The following EEF2K variants were observed in gnomAD, a reference collection of about 807,000 sequenced individuals.
EEF2K encodes the protein eukaryotic elongation factor 2 kinase.
Under a neutral mutation model 93.8 loss-of-function variants are expected in EEF2K, and 70 were observed. The ratio of observed to expected loss-of-function variants is 0.75; its 90% confidence interval spans 0.62 to 0.91. The LOEUF (loss-of-function observed/expected upper bound fraction) is 0.91, where lower values mean the gene tolerates loss of function less well. Ranked by LOEUF, EEF2K falls within the 40% of genes least tolerant of loss-of-function variation. EEF2K has a pLI of 0.00. For missense variants in EEF2K, 935 were observed against 972.9 expected (o/e 0.96, Z 0.52); for synonymous variants, 376 against 380.8 (o/e 0.99, Z 0.15).
At chr16:22,246,372 G>A (rs946527682) in intron 3 of EEF2K, among the ~76,000 whole-genome samples, 2 of 151,652 alleles carry the variant, frequency 1.3e-5, no homozygotes, top group Admixed American at 6.6e-5. Context: ...AAATTTAGCC[G>A]GGTGTGGTGG....
At chr16:22,227,682 T>G (rs1026556144) in intron 2 of EEF2K, among the ~76,000 whole-genome samples, 3 of 152,200 alleles carry the variant, frequency 2.0e-5, no homozygotes, top group Non-Finnish European at 2.9e-5. Context: ...GTTTACAGAC[T>G]TAACAATCTC....
At chr16:22,280,419 G>C in intron 17 of EEF2K, 43 bp downstream of exon 17, 1 of 1,401,578 alleles carries the variant, frequency 7.1e-7, no homozygotes, top group Admixed American at 2.8e-5. Flanking sequence ...ACAGGGCTGG[G>C]CAGGGAGGAA....
intron 9 of EEF2K, 24 bp downstream of exon 9, chr16:22,257,794 TTGGCCTGGCAGGCCCTTC>T: frequency 6.2e-7 from 1 of 1,610,822 alleles, no homozygotes; most frequent in South Asian, 1.1e-5. Flanking sequence ...GTGACCCTGC[TTGGCCTGGCAGGCCCTTC>T]TGCTACTTGC....
chr16:22,235,088 C>T (rs1287176854), intron 2 of EEF2K, among the ~76,000 whole-genome samples: 1 of 151,578 alleles, frequency 6.6e-6, no homozygotes, highest in African/African-American at 2.4e-5. Flanking sequence ...GGGGCGCACA[C>T]CTGTAGTCCC....
chr16:22,287,430 G>GT lies in EEF2K; in HGVS notation c.*3435dup, dbSNP rs1424808994. ...GACCATCTTCAAGTGCAAGAAGCAG[G>GT]TGAAAGCCCAGGAAATTGGCAGAGC... On this transcript the variant is annotated 3_prime_UTR_variant, in exon 18 of 18. Coordinates refer to ENST00000263026, the MANE Select transcript of EEF2K (RefSeq NM_013302.5). The GT allele has an allele frequency of 6.6e-6, 1 of 152,224 alleles. No individual in the cohort carries two copies. The highest frequency in any genetic ancestry group is 1.5e-5 in the Non-Finnish European group (1 of 68,046). The allele number at this position is 152,224 out of a possible 1,614,324, so 9.4% of individuals were successfully genotyped here. A position where few individuals can be genotyped will look rare whatever the true frequency, so the allele number is the denominator to read the frequency against.
rs201907947 is a variant in EEF2K at position 22,263,102 on chromosome 16, C to G, written c.1300-8C>G. On this transcript the variant is annotated splice_region_variant and splice_polypyrimidine_tract_variant and intron_variant, in intron 11 of 17. Coordinates refer to ENST00000263026, the MANE Select transcript of EEF2K (RefSeq NM_013302.5). ...CACCAGGACCCTAAGGCCGTCTTCTCTCCACAGGAGTCTGAGAATAGTGGG... is the reference window on the plus strand; with the variant it reads ...CACCAGGACCCTAAGGCCGTCTTCTGTCCACAGGAGTCTGAGAATAGTGGG... The G allele has an allele frequency of 5.0e-6, 8 of 1,610,260 alleles. No individual in the cohort carries two copies. The African/African-American group carries it at 8.0e-5, about 16-fold the overall frequency.
At chr16:22,247,748 C>T (rs577613194) in intron 3 of EEF2K, among the ~76,000 whole-genome samples, 1 of 152,288 alleles carries the variant, frequency 6.6e-6, no homozygotes, top group South Asian at 2.1e-4. Context: ...TGAAGGCTTC[C>T]GTGTCACATA....
Position 22,232,329 on chromosome 16 carries a change from C to T in EEF2K, c.246+6354C>T, listed in dbSNP as rs527258623. 2.8e-4 allele frequency among the ~76,000 whole-genome samples: 42 copies of T among 152,196 alleles called. 1 individual carries two copies. The South Asian group carries it at 7.7e-3, about 28-fold the overall frequency. On this transcript the variant is annotated intron_variant, in intron 2 of 17. Coordinates refer to ENST00000263026, the MANE Select transcript of EEF2K (RefSeq NM_013302.5). ...GCAGCCTCTAACTCCTGGGCTTGAG[C>T]GATCCTCCCACCTCAGCCTCCTGAG...
intron 2 of EEF2K, among the ~76,000 whole-genome samples, chr16:22,231,367 C>T (rs966537549): frequency 1.3e-5 from 2 of 151,932 alleles, no homozygotes; most frequent in African/African-American, 2.4e-5. Context: ...CCACCCACCT[C>T]GACCTCCCAA....
At chr16:22,259,046 C>T (rs1361062270) in intron 10 of EEF2K, among the ~76,000 whole-genome samples, 1 of 151,874 alleles carries the variant, frequency 6.6e-6, no homozygotes, top group African/African-American at 2.4e-5. Context: ...TAGATATTAA[C>T]AAATAAAAAT....
In EEF2K at chr16:22,225,972, C is replaced by G. The variant is rs368106187; in HGVS notation, c.243C>G (p.Phe81Leu). Residue 81 changes from phenylalanine to leucine, a missense_variant, in exon 2 of 18, where the codon TTC becomes TTG. Coordinates refer to ENST00000263026, the MANE Select transcript of EEF2K (RefSeq NM_013302.5). ...SSGSPANSFH[F>L]KEAWKHAIQK... is the part of the protein sequence containing the mutation. Reference sequence around the variant, plus strand: ...GGTCCCCGGCAAACTCCTTCCACTTCAAGGTGAGTGAGCCACCTATTCCAC... The same window carrying G: ...GGTCCCCGGCAAACTCCTTCCACTTGAAGGTGAGTGAGCCACCTATTCCAC... The G allele has an allele frequency of 1.2e-6, 2 of 1,613,578 alleles. No individual in the cohort carries two copies. Among genetic ancestry groups the G allele is most frequent in the African/African-American group, 2.7e-5 (2 of 74,928 alleles).
At chr16:22,211,145 A>G (rs1338832719) in intron 1 of EEF2K, among the ~76,000 whole-genome samples, 1 of 152,188 alleles carries the variant, frequency 6.6e-6, no homozygotes, top group African/African-American at 2.4e-5. Context: ...TGTGGTTTTC[A>G]GGCCCCCTCT....
At position 22,235,654 on chromosome 16, in the gene EEF2K, C is replaced by T. The variant is rs533353625; in HGVS notation, c.247-8976C>T. Among the ~76,000 whole-genome samples, 120 of 152,194 alleles carry T rather than the reference C, an allele frequency of 7.9e-4. 1 individual carries two copies. Among genetic ancestry groups the T allele is most frequent in the African/African-American group, 2.6e-3 (107 of 41,516 alleles). Reference sequence around the variant, plus strand: ...CTGGGATTACAGGCATGCACCACCACGCCTGACTAATTTTGCATTTTTTAG... The same window carrying T: ...CTGGGATTACAGGCATGCACCACCATGCCTGACTAATTTTGCATTTTTTAG... On this transcript the variant is annotated intron_variant, in intron 2 of 17. Transcript: ENST00000263026.
rs758287436 is a variant in EEF2K at position 22,225,951 on chromosome 16, C to T, written c.222C>T (p.Ser74=). 2.5e-6 allele frequency: 4 copies of T among 1,614,124 alleles called. No homozygotes were observed. Among genetic ancestry groups the T allele is most frequent in the Admixed American group, 1.7e-5 (1 of 60,008 alleles). ...TKSERYSSSG[S]PANSFHFKEA... ...GTGAGCGGTATAGCTCCAGCGGGTC[C>T]CCGGCAAACTCCTTCCACTTCAAGG... is the stretch of plus-strand genomic sequence containing the variant. The change falls in exon 2 of 18, where the codon TCC becomes TCT. Residue 74 remains serine (S), a synonymous_variant. Coordinates refer to ENST00000263026, the MANE Select transcript of EEF2K (RefSeq NM_013302.5).
At chr16:22,217,831 C>A (rs1376550190) in intron 1 of EEF2K, among the ~76,000 whole-genome samples, 1 of 152,194 alleles carries the variant, frequency 6.6e-6, no homozygotes, top group African/African-American at 2.4e-5. Flanking sequence ...TACTGCCCCC[C>A]AAAAGGCGGG....
chr16:22,264,068 C>T (rs1423416643), intron 12 of EEF2K, among the ~76,000 whole-genome samples: 1 of 151,878 alleles, frequency 6.6e-6, no homozygotes, highest in Non-Finnish European at 1.5e-5. Context: ...CCGGGGCAGG[C>T]AGATCACTTG....
intron 2 of EEF2K, among the ~76,000 whole-genome samples, chr16:22,243,923 A>AG (rs1491192688): frequency 2.6e-4 from 14 of 53,530 alleles, no homozygotes; most frequent in African/African-American, 1.7e-4. Flanking sequence ...ACCCTGTCTC[A>AG]AAAAAAAAAA....
chr16:22,273,914 T>C (rs1263700192), intron 16 of EEF2K, among the ~76,000 whole-genome samples, 164 bp downstream of exon 16: 1 of 152,212 alleles, frequency 6.6e-6, no homozygotes, highest in Non-Finnish European at 1.5e-5. Flanking sequence ...TTTCTTCATA[T>C]TGTAAACTGG....
At chr16:22,212,748 C>A (rs1383268542) in intron 1 of EEF2K, among the ~76,000 whole-genome samples, 9 of 152,228 alleles carry the variant, frequency 5.9e-5, no homozygotes, top group Admixed American at 5.9e-4. Flanking sequence ...AATTCCAACA[C>A]TTTGGGAGGC....
Sources: gnomAD v4.1 joint callset for allele counts (sites outside exome capture counted in the v4.1 genomes callset) on GRCh38, gnomAD v4.1.1 for gene constraint, MANE v1.5 for transcripts, NCBI Gene and HGNC (gene_info 2026-07-23, HGNC 2026-07-21) for gene names.